The following SRPK2 variants were observed in gnomAD, a reference collection of about 807,000 sequenced individuals.
The protein encoded by SRPK2 is SFRS protein kinase 2.
Under a neutral mutation model 90.8 loss-of-function variants are expected in SRPK2, and 21 were observed. The ratio of observed to expected loss-of-function variants is 0.23; its 90% CI spans 0.16 to 0.33. SRPK2 has a LOEUF of 0.33. SRPK2 is among the 10% of genes least tolerant of loss of function. SRPK2 has a pLI of 1.00. For missense variants in SRPK2, 620 were observed against 869.0 expected (o/e 0.71, Z 3.60); for synonymous variants, 288 against 311.1 (o/e 0.93, Z 0.78).
intron 15 of SRPK2, chr7:105,125,990 A>G (rs899774982): frequency 1.1e-5 from 7 of 655,128 alleles, no homozygotes; most frequent in African/African-American, 9.1e-5. Context: ...TTGAATGACC[A>G]AAAGTACAGG....
At chr7:105,358,092 C>G (rs1215136517) in intron 2 of SRPK2, among the ~76,000 whole-genome samples, 3 of 151,570 alleles carry the variant, frequency 2.0e-5, no homozygotes, top group Non-Finnish European at 4.4e-5. Context: ...GGCGTGCTGG[C>G]ATGTTCCTGG....
intron 11 of SRPK2, among the ~76,000 whole-genome samples, chr7:105,137,708 G>A (rs1284214780): frequency 6.6e-6 from 1 of 152,014 alleles, no homozygotes; most frequent in Non-Finnish European, 1.5e-5. Flanking sequence ...AATTACTCTA[G>A]GAAAAAAGTG....
intron 2 of SRPK2, among the ~76,000 whole-genome samples, chr7:105,358,156 G>A (rs533211631): frequency 1.0e-4 from 14 of 136,956 alleles, no homozygotes; most frequent in Admixed American, 2.5e-4. Flanking sequence ...CCCGGGAGGC[G>A]AAGGTTGCAG....
At chr7:105,341,285 A>G (rs1815742961) in intron 2 of SRPK2, among the ~76,000 whole-genome samples, 1 of 143,372 alleles carries the variant, frequency 7.0e-6, no homozygotes, top group African/African-American at 2.7e-5. Flanking sequence ...AATCACTGGA[A>G]CCTGGGAGGC....
chr7:105,357,105 G>T (rs554261368), intron 2 of SRPK2, among the ~76,000 whole-genome samples: 1 of 150,078 alleles, frequency 6.7e-6, no homozygotes, highest in Non-Finnish European at 1.5e-5. Flanking sequence ...GTGCGATCTC[G>T]GCCTCACTGC....
rs143048334 is a variant in SRPK2, at chr7:105,328,436, G to A, written c.71+60212C>T. Among the ~76,000 whole-genome samples the A allele has an allele frequency of 3.1e-3, 474 of 151,322 alleles. 1 individual carries two copies. The highest frequency in any genetic ancestry group is 0.011 in the African/African-American group (451 of 41,222). ...AAATTAGCCAGGTGTGGTGGCAGGC[G>A]ACTGTAATCCCAGCTATTCAGGAGG... is the stretch of plus-strand genomic sequence containing the variant. On this transcript the variant is annotated intron_variant, in intron 2 of 15. Coordinates refer to ENST00000393651, the MANE Select transcript of SRPK2 (RefSeq NM_182692.3).
chr7:105,244,972 C>T (rs1380151667), intron 2 of SRPK2: 3 of 1,297,164 alleles, frequency 2.3e-6, no homozygotes, highest in Admixed American at 1.9e-5. Flanking sequence ...AAAGACTGAG[C>T]CCCCTTCCCT....
chr7:105,192,904 T>A (rs1396286513), intron 3 of SRPK2, among the ~76,000 whole-genome samples: 2 of 152,080 alleles, frequency 1.3e-5, no homozygotes, highest in Non-Finnish European at 2.9e-5. Flanking sequence ...TTTTTTTCCT[T>A]GCTAATTTGA....
intron 2 of SRPK2, among the ~76,000 whole-genome samples, chr7:105,382,350 C>T (rs770365564): frequency 1.2e-4 from 18 of 151,574 alleles, no homozygotes; most frequent in Non-Finnish European, 2.6e-4. Flanking sequence ...GTCAGGAGCT[C>T]GAGACCAGCC....
intron 2 of SRPK2, among the ~76,000 whole-genome samples, chr7:105,374,726 T>TA (rs1416469879): frequency 2.0e-5 from 3 of 152,112 alleles, no homozygotes; most frequent in African/African-American, 7.2e-5. Context: ...CTGCCTCGCC[T>TA]ACGGAGGAGC....
At chr7:105,304,432 G>C (rs375111001) in intron 2 of SRPK2, 7 of 152,188 alleles carry the variant, frequency 4.6e-5, no homozygotes, top group African/African-American at 1.7e-4. Context: ...CATTGTTGGG[G>C]TAAGTACACT....
chr7:105,224,448 A>G (rs1183754172), intron 2 of SRPK2, among the ~76,000 whole-genome samples: 1 of 152,024 alleles, frequency 6.6e-6, no homozygotes, highest in African/African-American at 2.4e-5. Context: ...CGTCTCTACT[A>G]AAAATACAAA....
intron 2 of SRPK2, among the ~76,000 whole-genome samples, chr7:105,346,426 T>C (rs904774119): frequency 1.3e-5 from 2 of 151,960 alleles, no homozygotes; most frequent in African/African-American, 4.8e-5. Flanking sequence ...AACTGTTATA[T>C]GAAGGTCAAT....
intron 3 of SRPK2, among the ~76,000 whole-genome samples, chr7:105,182,694 C>T (rs1049234503): frequency 2.6e-5 from 4 of 152,272 alleles, no homozygotes; most frequent in African/African-American, 9.6e-5. Context: ...TCTCAAACTC[C>T]TAGCCTCAAG....
chr7:105,341,761 G>C (rs879723223), intron 2 of SRPK2, among the ~76,000 whole-genome samples: 8 of 152,056 alleles, frequency 5.3e-5, no homozygotes, highest in Non-Finnish European at 1.2e-4. Context: ...GATACCAGGA[G>C]TTCGAAACCA....
chr7:105,121,185 T>C (rs1800301724), intron 15 of SRPK2, among the ~76,000 whole-genome samples: 1 of 151,576 alleles, frequency 6.6e-6, no homozygotes, highest in African/African-American at 2.4e-5. Context: ...CGATCTCTAA[T>C]AAATACAAAA....
At position 105,295,204 on chromosome 7, in the gene SRPK2, C is replaced by T. The variant is rs573947448; in HGVS notation, c.72-91419G>A. On this transcript the variant is annotated intron_variant, in intron 2 of 15. Transcript: ENST00000393651. ...CCAGCCTGGGTGACAGAGCGAGAAC[C>T]CGTCTCAAAAAAAAAAAAAATTGAA... 5.4e-4 allele frequency among the ~76,000 whole-genome samples: 42 copies of T among 77,870 alleles called. No homozygotes were observed. The East Asian group carries it at 9.0e-3, about 17-fold the overall frequency. 51.1% of individuals were successfully genotyped at this position (77,870 alleles called of 152,430 possible).
Position 105,275,523 on chromosome 7 carries a change from T to C in SRPK2, c.72-71738A>G, listed in dbSNP as rs1299484612. On this transcript the variant is annotated intron_variant, in intron 2 of 15. Transcript: ENST00000393651. Reference sequence around the variant, plus strand: ...CTCACACCTTAAAAGATACTCAAACTCCTTATGAAGATGAACAGTTTTTAA... The same window carrying C: ...CTCACACCTTAAAAGATACTCAAACCCCTTATGAAGATGAACAGTTTTTAA... Among the ~76,000 whole-genome samples the C allele has an allele frequency of 2.6e-5, 4 of 152,270 alleles. 1 individual carries two copies. In the East Asian group the frequency reaches 7.7e-4, roughly 29 times the overall value.
chr7:105,208,978 TA>T (rs147428103), intron 2 of SRPK2, among the ~76,000 whole-genome samples: 9 of 151,354 alleles, frequency 5.9e-5, no homozygotes, highest in African/African-American at 2.2e-4. Context: ...AATAAATTTT[TA>T]AAAAAATAAA....
Sources: allele counts gnomAD v4.1 joint callset (sites outside exome capture counted in the v4.1 genomes callset), GRCh38; gene constraint gnomAD v4.1.1; transcripts MANE v1.5; gene names NCBI Gene and HGNC (gene_info 2026-07-23, HGNC 2026-07-21).